The following PKHD1 variants were observed in gnomAD, a reference collection of about 807,000 sequenced individuals.
The protein encoded by PKHD1 is fibrocystin.
Under a neutral mutation model 412.0 loss-of-function variants are expected in PKHD1, and 291 were observed. The ratio of observed to expected loss-of-function variants is 0.71; its 90% confidence interval spans 0.64 to 0.78. PKHD1 has a LOEUF of 0.78. PKHD1 is among the 30% of genes least tolerant of loss of function. The probability of loss-of-function intolerance (pLI) is 0.00; values close to 1 mark genes in which losing one functional copy is unlikely to be tolerated. For missense variants in PKHD1, 4,825 were observed against 4,950.7 expected, an observed-to-expected ratio of 0.97 and a Z score of 0.76; for synonymous variants, 1,777 against 1,821.5, an observed-to-expected ratio of 0.98 and a Z score of 0.62.
At chr6:51,964,968 C>T (rs576403374) in intron 35 of PKHD1, among the ~76,000 whole-genome samples, 24 of 150,332 alleles carry the variant, frequency 1.6e-4, no homozygotes, top group African/African-American at 5.5e-4. Flanking sequence ...TTATTCCTTG[C>T]TATTTTTCCC....
chr6:52,044,930 T>C (rs1805536208), intron 25 of PKHD1, 36 bp downstream of exon 25: 1 of 1,611,736 alleles, frequency 6.2e-7, no homozygotes, highest in Non-Finnish European at 8.5e-7. Context: ...GACTTGAAAC[T>C]GGAGCTTGCA....
At chr6:51,694,581 G>A (rs1483647684) in intron 60 of PKHD1, among the ~76,000 whole-genome samples, 6 of 85,576 alleles carry the variant, frequency 7.0e-5, no homozygotes, top group Non-Finnish European at 1.1e-4. Context: ...TTTTGGTTGA[G>A]ACCAGGTTTC....
intron 27 of PKHD1, 124 bp from the exon 28 acceptor site, chr6:52,035,845 G>A (rs1196978721): frequency 5.2e-6 from 5 of 956,194 alleles, no homozygotes; most frequent in Non-Finnish European, 1.7e-6. Context: ...CAAAGGCAAT[G>A]CTCAAACTGC....
Position 51,870,580 on chromosome 6 carries a change from A to G in PKHD1, c.7410T>C (p.Ser2470=), listed in dbSNP as rs1370325898. Residue 2470 remains serine, a synonymous_variant, in exon 47 of 67, where the codon TCT becomes TCC. Coordinates refer to ENST00000371117, the MANE Select transcript of PKHD1 (RefSeq NM_138694.4). ...GATCAAAATTAACAAAGGTTGTGTT[A>G]GACACCATCAGTTCCCATCTTTTAG... ...KTPKRWELMV[S]NTTFVNFDLI... 3 of 1,606,824 alleles carry G rather than the reference A, an allele frequency of 1.9e-6. No individual in the cohort carries two copies. In the African/African-American group the frequency reaches 4.0e-5, roughly 21 times the overall value.
chr6:52,031,460 C>T (rs933535941), intron 29 of PKHD1, among the ~76,000 whole-genome samples: 2 of 152,230 alleles, frequency 1.3e-5, no homozygotes, highest in South Asian at 2.1e-4. Flanking sequence ...CATAGTGGAG[C>T]TCTCTGAACC....
chr6:51,947,981 C>G (rs1789733388), intron 36 of PKHD1, among the ~76,000 whole-genome samples: 2 of 152,078 alleles, frequency 1.3e-5, no homozygotes, highest in Admixed American at 6.6e-5. Context: ...ATTGCTAAGT[C>G]TGAAAATCAC....
At chr6:51,848,279 A>T (rs699357) in intron 49 of PKHD1, among the ~76,000 whole-genome samples, 3,289 of 152,298 alleles carry the variant, frequency 0.022, 132 homozygotes, top group African/African-American at 0.075. Flanking sequence ...ATGAATTGAC[A>T]CGTCTCAGGT....
At chr6:51,842,503 T>C (rs1289911914) in intron 50 of PKHD1, among the ~76,000 whole-genome samples, 1 of 152,216 alleles carries the variant, frequency 6.6e-6, no homozygotes, top group Non-Finnish European at 1.5e-5. Context: ...GAGCAGCTGC[T>C]GGAACCCCAC....
chr6:51,929,986 T>A (rs1057027992), intron 37 of PKHD1, among the ~76,000 whole-genome samples: 1 of 152,194 alleles, frequency 6.6e-6, no homozygotes, highest in African/African-American at 2.4e-5. Context: ...ATTGATAAAT[T>A]TCCCTGCTGA....
At chr6:52,053,335 G>C (rs1282191871) in intron 20 of PKHD1, 84 bp from the exon 21 acceptor site, 2 of 1,392,582 alleles carry the variant, frequency 1.4e-6, no homozygotes, top group African/African-American at 2.8e-5. Context: ...CCAACCTGGG[G>C]GGCCTGTGAG....
intron 52 of PKHD1, among the ~76,000 whole-genome samples, chr6:51,822,880 T>C (rs1766674937): frequency 6.6e-6 from 1 of 152,190 alleles, no homozygotes; most frequent in Non-Finnish European, 1.5e-5. Flanking sequence ...CTATCAATTC[T>C]GCTTTCCCAT....
chr6:51,664,772 C>T (rs1002920383), intron 60 of PKHD1, among the ~76,000 whole-genome samples: 17 of 152,094 alleles, frequency 1.1e-4, no homozygotes, highest in African/African-American at 2.2e-4. Context: ...GCCAATTACA[C>T]GCATTATTTT....
At chr6:51,762,573 T>C (rs577286954) in intron 55 of PKHD1, among the ~76,000 whole-genome samples, 1 of 152,126 alleles carries the variant, frequency 6.6e-6, no homozygotes, top group African/African-American at 2.4e-5. Flanking sequence ...CTTACTTTGG[T>C]TGATTGTGTA....
chr6:51,924,754 G>A (rs1785252935), intron 37 of PKHD1, among the ~76,000 whole-genome samples: 1 of 152,180 alleles, frequency 6.6e-6, no homozygotes, highest in African/African-American at 2.4e-5. Flanking sequence ...TATCAAGAAT[G>A]ACAACCAGGT....
At chr6:51,885,691 T>C (rs995633702) in intron 45 of PKHD1, among the ~76,000 whole-genome samples, 176 bp downstream of exon 45, 1 of 152,344 alleles carries the variant, frequency 6.6e-6, no homozygotes, top group Middle Eastern at 3.4e-3. Context: ...TAACAACTAT[T>C]CTACAAGCAC....
chr6:51,777,679 GAAAAAAAAAAAAAAAAAAA>G (rs59379021), intron 53 of PKHD1, among the ~76,000 whole-genome samples: 31,598 of 120,022 alleles, frequency 0.26, 4,092 homozygotes, highest in Middle Eastern at 0.48. Context: ...GAGTCTTTGG[GAAAAAAAAAAAAAAAAAAA>G]AAAAAAAAAA....
chr6:51,859,525 C>CCAAAAA (rs1554277413), intron 48 of PKHD1, among the ~76,000 whole-genome samples: 2 of 114,654 alleles, frequency 1.7e-5, no homozygotes, highest in East Asian at 3.1e-4. Context: ...GATTCCGTCC[C>CCAAAAA]AAAAAAAAAA....
intron 1 of PKHD1, among the ~76,000 whole-genome samples, chr6:52,086,617 G>T (rs1023836482): frequency 6.6e-6 from 1 of 152,022 alleles, no homozygotes; most frequent in Non-Finnish European, 1.5e-5. Flanking sequence ...AACATTTATT[G>T]TATGCCCACT....
At chr6:51,852,734 T>TG (rs1402903451) in intron 49 of PKHD1, among the ~76,000 whole-genome samples, 3 of 74,000 alleles carry the variant, frequency 4.1e-5, no homozygotes, top group African/African-American at 1.5e-4. Flanking sequence ...CAAACCCTGT[T>TG]TTTTTTTTTT....
Sources: gnomAD v4.1 joint callset for allele counts (sites outside exome capture counted in the v4.1 genomes callset) on GRCh38, gnomAD v4.1.1 for gene constraint, MANE v1.5 for transcripts, NCBI Gene and HGNC (gene_info 2026-07-23, HGNC 2026-07-21) for gene names.